Variants in CACNB4 observed in about 807,000 individuals in gnomAD.
The protein encoded by CACNB4 is calcium voltage-gated channel auxiliary subunit beta 4.
A neutral mutation model predicts 71.2 loss-of-function variants in CACNB4; 32 were observed. The ratio of observed to expected loss-of-function variants is 0.45; its 90% CI spans 0.34 to 0.60. CACNB4 has a LOEUF of 0.60. Among genes scored for constraint, CACNB4 ranks in the 20% least tolerant of loss-of-function variants. The probability of loss-of-function intolerance (pLI) is 0.01; values close to 1 mark genes in which losing one functional copy is unlikely to be tolerated. For synonymous variants in CACNB4, 231 were observed against 236.9 expected (o/e 0.97, Z 0.23); for missense variants, 464 against 647.9 (o/e 0.72, Z 3.08).
chr2:151,895,579 G>A (rs984092242), intron 2 of CACNB4, among the ~76,000 whole-genome samples: 1 of 151,786 alleles, frequency 6.6e-6, no homozygotes, highest in African/African-American at 2.4e-5. Flanking sequence ...CTACCATACA[G>A]CTTGAATTTT....
At chr2:151,995,584 C>G (rs1485767797) in intron 2 of CACNB4, among the ~76,000 whole-genome samples, 1 of 152,200 alleles carries the variant, frequency 6.6e-6, no homozygotes, top group Non-Finnish European at 1.5e-5. Flanking sequence ...TGGCGGGCAC[C>G]TGTAGTCCCA....
At chr2:151,982,632 C>CAAAA (rs1227164462) in intron 2 of CACNB4, among the ~76,000 whole-genome samples, 2 of 64,004 alleles carry the variant, frequency 3.1e-5, no homozygotes, top group African/African-American at 9.4e-5. Context: ...GACTCCGTCT[C>CAAAA]AAAAAAAAAA....
intron 2 of CACNB4, among the ~76,000 whole-genome samples, chr2:151,961,486 T>C (rs926382206): frequency 8.5e-5 from 13 of 152,358 alleles, no homozygotes; most frequent in African/African-American, 2.9e-4. Context: ...CCCAGGAGAC[T>C]GATTGCAGTG....
intron 2 of CACNB4, among the ~76,000 whole-genome samples, chr2:151,884,816 A>G (rs2099848933): frequency 1.3e-5 from 2 of 152,320 alleles, no homozygotes; most frequent in South Asian, 4.1e-4. Context: ...TGATATTTGC[A>G]TAGATGGTAA....
intron 2 of CACNB4, among the ~76,000 whole-genome samples, chr2:151,898,460 C>T (rs1224673807): frequency 1.3e-5 from 2 of 152,184 alleles, no homozygotes; most frequent in African/African-American, 4.8e-5. Flanking sequence ...CCACCACAAA[C>T]TTTTAGAATC....
intron 2 of CACNB4, among the ~76,000 whole-genome samples, chr2:151,885,820 G>C (rs1289520855): frequency 6.6e-6 from 1 of 152,042 alleles, no homozygotes; most frequent in Non-Finnish European, 1.5e-5. Flanking sequence ...GTAAGTGCAG[G>C]GTGACTTTCA....
intron 2 of CACNB4, chr2:151,972,529 T>C (rs1200624015): frequency 6.6e-6 from 1 of 152,220 alleles, no homozygotes; most frequent in African/African-American, 2.4e-5. Context: ...ATGAGCACGT[T>C]GGGCAACACG....
intron 2 of CACNB4, among the ~76,000 whole-genome samples, chr2:152,003,854 A>C (rs1682568259): frequency 6.6e-6 from 1 of 151,918 alleles, no homozygotes; most frequent in Non-Finnish European, 1.5e-5. Context: ...CCTTACTTTA[A>C]AAAAAAACCA....
At chr2:151,983,006 G>A (rs1022275157) in intron 2 of CACNB4, among the ~76,000 whole-genome samples, 4 of 152,174 alleles carry the variant, frequency 2.6e-5, no homozygotes, top group Admixed American at 2.6e-4. Context: ...ATGCTGACAA[G>A]CCCAAGATGG....
intron 2 of CACNB4, among the ~76,000 whole-genome samples, chr2:152,088,470 A>G (rs1687793722): frequency 6.6e-6 from 1 of 152,238 alleles, no homozygotes; most frequent in Admixed American, 6.5e-5. Context: ...TATAAAAGTT[A>G]ACCACCTCTA....
At chr2:151,958,522 A>C (rs1247408947) in intron 2 of CACNB4, among the ~76,000 whole-genome samples, 1 of 152,214 alleles carries the variant, frequency 6.6e-6, no homozygotes, top group East Asian at 1.9e-4. Flanking sequence ...GAAATGGCCT[A>C]GTTTTCCAAT....
intron 2 of CACNB4, among the ~76,000 whole-genome samples, chr2:151,965,703 G>A (rs953964081): frequency 6.0e-5 from 9 of 150,992 alleles, no homozygotes; most frequent in Non-Finnish European, 3.0e-5. Flanking sequence ...TAAGAGTTAG[G>A]AGAAATTTAC....
At chr2:151,933,555 A>C (rs540007139) in intron 2 of CACNB4, among the ~76,000 whole-genome samples, 1 of 152,132 alleles carries the variant, frequency 6.6e-6, no homozygotes, top group African/African-American at 2.4e-5. Flanking sequence ...TGCATTCAAG[A>C]TCACACAACT....
intron 10 of CACNB4, chr2:151,857,608 C>A (rs1179898691): frequency 6.6e-6 from 1 of 152,192 alleles, no homozygotes; most frequent in Non-Finnish European, 1.5e-5. Flanking sequence ...TTGCTGTTTT[C>A]ATTAAACTGT....
rs144464952 is a variant in CACNB4, at chr2:152,026,409, G to T, written c.147+71921C>A. The stretch of plus-strand genomic sequence containing the variant: ...TTTTTTTTTCTTCTTCTTTGAGACA[G>T]GTTCTCGCTCTGTCACCCAGGCTGG... On this transcript the variant is annotated intron_variant, in intron 2 of 13. Coordinates refer to ENST00000539935, the MANE Select transcript of CACNB4 (RefSeq NM_000726.5). Among the ~76,000 whole-genome samples the T allele has an allele frequency of 9.2e-4, 139 of 151,664 alleles. 2 individuals are homozygous for T. The East Asian group carries it at 0.026, about 28-fold the overall frequency.
chr2:151,921,138 AAAATAAATAAATAAAT>A (rs70974809), intron 2 of CACNB4, among the ~76,000 whole-genome samples: 29,892 of 137,504 alleles, frequency 0.22, 3,370 homozygotes, highest in Middle Eastern at 0.38. Flanking sequence ...CTCCGTCTCA[AAAATAAATAAATAAAT>A]AAATAAATAA....
chr2:151,969,062 C>T (rs2099871858), intron 2 of CACNB4: 1 of 152,226 alleles, frequency 6.6e-6, no homozygotes, highest in South Asian at 2.1e-4. Context: ...TTACTTAACA[C>T]ACCCCTAGCC....
Position 151,978,240 on chromosome 2 carries a change from A to C in CACNB4, c.148-94870T>G, listed in dbSNP as rs1378168042. On this transcript the variant is annotated intron_variant, in intron 2 of 13. Coordinates refer to ENST00000539935, the MANE Select transcript of CACNB4 (RefSeq NM_000726.5). The stretch of plus-strand genomic sequence containing the variant: ...GTCCAGAGTCTCTCCAGGCCCCATG[A>C]AGACCATGGAGATAATAGTTTTGAA... Among the ~76,000 whole-genome samples, 5 of 152,214 alleles carry C rather than the reference A, an allele frequency of 3.3e-5. No individual in the cohort carries two copies. The East Asian group carries it at 9.6e-4, about 29-fold the overall frequency.
chr2:152,096,428 A>G (rs548942056), intron 2 of CACNB4, among the ~76,000 whole-genome samples: 14 of 152,250 alleles, frequency 9.2e-5, no homozygotes, highest in African/African-American at 2.2e-4. Context: ...AGCTTGCAGT[A>G]AGCAGAGACT....
Sources: gnomAD v4.1 joint callset for allele counts (sites outside exome capture counted in the v4.1 genomes callset) on GRCh38, gnomAD v4.1.1 for gene constraint, MANE v1.5 for transcripts, NCBI Gene and HGNC (gene_info 2026-07-23, HGNC 2026-07-21) for gene names.